Variants in RBMS3 observed in about 807,000 individuals in gnomAD.
RBMS3 encodes the protein RNA-binding motif, single-stranded-interacting protein 3.
In RBMS3, 27 loss-of-function variants were observed where a neutral mutation model predicts 66.8. That is an observed-to-expected ratio of 0.40 (90% confidence interval 0.30 to 0.56). The LOEUF (loss-of-function observed/expected upper bound fraction) is 0.56, where lower values mean the gene tolerates loss of function less well. Among genes scored for constraint, RBMS3 ranks in the 20% least tolerant of loss-of-function variants. The pLI, the probability that RBMS3 is intolerant of heterozygous loss-of-function variation, is 0.40. For missense variants in RBMS3, 513 were observed against 549.5 expected, an observed-to-expected ratio of 0.93 and a Z score of 0.66; for synonymous variants, 188 against 183.0, an observed-to-expected ratio of 1.03 and a Z score of -0.22.
At chr3:29,348,078 A>G (rs145145209) in intron 1 of RBMS3, among the ~76,000 whole-genome samples, 45 of 150,774 alleles carry the variant, frequency 3.0e-4, no homozygotes, top group African/African-American at 1.1e-3. Context: ...TCTTGTTTCA[A>G]GTCTCTTCAC....
At chr3:29,688,413 A>G (rs1005429781) in intron 4 of RBMS3, among the ~76,000 whole-genome samples, 2 of 152,022 alleles carry the variant, frequency 1.3e-5, no homozygotes, top group African/African-American at 4.8e-5. Context: ...ACAAACTATA[A>G]TCCTTCTAAA....
At chr3:29,510,239 G>A (rs2044344652) in intron 3 of RBMS3, among the ~76,000 whole-genome samples, 1 of 152,054 alleles carries the variant, frequency 6.6e-6, no homozygotes, top group African/African-American at 2.4e-5. Context: ...TGATATCATA[G>A]ATCAACCCAT....
intron 10 of RBMS3, among the ~76,000 whole-genome samples, chr3:29,907,264 T>C (rs2149623574): frequency 6.6e-6 from 1 of 152,256 alleles, no homozygotes; most frequent in East Asian, 1.9e-4. Context: ...CTCATTGTTT[T>C]CAATCGAATA....
intron 1 of RBMS3, among the ~76,000 whole-genome samples, chr3:29,284,112 A>G (rs1005710843): frequency 6.6e-6 from 1 of 152,116 alleles, no homozygotes; most frequent in Non-Finnish European, 1.5e-5. Flanking sequence ...CATGCTGCTT[A>G]TATTTATTTG....
chr3:29,798,929 G>GTTTTTTTTTTTTTTTTTTT (rs368923260), intron 6 of RBMS3, among the ~76,000 whole-genome samples: 4 of 127,662 alleles, frequency 3.1e-5, no homozygotes, highest in African/African-American at 1.2e-4. Context: ...GTACCCTCTG[G>GTTTTTTTTTTTTTTTTTTT]TTTTTTTTTT....
intron 3 of RBMS3, among the ~76,000 whole-genome samples, chr3:29,579,462 A>T (rs894990923): frequency 8.5e-5 from 13 of 152,106 alleles, no homozygotes; most frequent in African/African-American, 3.1e-4. Flanking sequence ...AGCAAGGGGG[A>T]GGGAAGAATG....
At chr3:29,584,180 A>C (rs1264999497) in intron 3 of RBMS3, among the ~76,000 whole-genome samples, 1 of 152,134 alleles carries the variant, frequency 6.6e-6, no homozygotes, top group African/African-American at 2.4e-5. Context: ...CTTCTTGCTC[A>C]AACTCTCAGT....
chr3:29,628,365 G>A (rs751003868), intron 4 of RBMS3, among the ~76,000 whole-genome samples: 3 of 152,156 alleles, frequency 2.0e-5, no homozygotes, highest in Non-Finnish European at 4.4e-5. Context: ...AACTGGCTGT[G>A]TCAGTGATTC....
At chr3:29,962,454 GGT>G (rs1696534685) in intron 12 of RBMS3, among the ~76,000 whole-genome samples, 1 of 151,650 alleles carries the variant, frequency 6.6e-6, no homozygotes. Flanking sequence ...ACGGCACTGA[GGT>G]GGGGTGTATG....
At chr3:29,381,925 A>C (rs143003417) in intron 1 of RBMS3, among the ~76,000 whole-genome samples, 154 of 152,264 alleles carry the variant, frequency 1.0e-3, no homozygotes, top group Middle Eastern at 3.4e-3. Context: ...AACAGCTTCT[A>C]TCTTTCTTTC....
At chr3:29,654,947 A>G (rs2050275224) in intron 4 of RBMS3, among the ~76,000 whole-genome samples, 1 of 151,990 alleles carries the variant, frequency 6.6e-6, no homozygotes, top group African/African-American at 2.4e-5. Flanking sequence ...AGAAAACGTG[A>G]CCTGATAGAG....
intron 3 of RBMS3, among the ~76,000 whole-genome samples, chr3:29,557,117 G>A (rs2046393745): frequency 6.6e-6 from 1 of 152,158 alleles, no homozygotes. Flanking sequence ...ATTTGTTCCA[G>A]GGTATGCTTA....
At chr3:29,959,254 T>G (rs1696247635) in intron 12 of RBMS3, among the ~76,000 whole-genome samples, 1 of 152,174 alleles carries the variant, frequency 6.6e-6, no homozygotes, top group African/African-American at 2.4e-5. Context: ...TAATAGATAC[T>G]CAATCTTTCC....
intron 6 of RBMS3, among the ~76,000 whole-genome samples, chr3:29,771,020 A>G (rs955015230): frequency 7.9e-5 from 12 of 152,004 alleles, no homozygotes; most frequent in African/African-American, 2.7e-4. Flanking sequence ...TCTAATTTTT[A>G]GAATGATCTA....
At chr3:29,348,608 T>G (rs1157550678) in intron 1 of RBMS3, among the ~76,000 whole-genome samples, 4 of 151,878 alleles carry the variant, frequency 2.6e-5, no homozygotes, top group Non-Finnish European at 4.4e-5. Context: ...ACACTCTTTA[T>G]GTTTAAAAAT....
chr3:29,355,199 C>T (rs1265963643), intron 1 of RBMS3, among the ~76,000 whole-genome samples: 1 of 152,022 alleles, frequency 6.6e-6, no homozygotes, highest in Non-Finnish European at 1.5e-5. Context: ...GTCTTTCTAT[C>T]TTGTGTCATC....
intron 4 of RBMS3, among the ~76,000 whole-genome samples, chr3:29,691,947 C>CTCTCTCTCTCTTTTTTTTTTTTTTT (rs1218393454): frequency 1.7e-3 from 93 of 53,416 alleles, no homozygotes; most frequent in Non-Finnish European, 2.6e-3. Flanking sequence ...CTCTCTCTCT[C>CTCTCTCTCTCTTTTTTTTTTTTTTT]TATTTTTTTT....
In RBMS3 at chr3:29,518,905, G is replaced by A. The variant is rs983608268; in HGVS notation, c.307+30406G>A. On this transcript the variant is annotated intron_variant, in intron 3 of 14. Coordinates refer to ENST00000383767, the MANE Select transcript of RBMS3 (RefSeq NM_001003793.3). ...ACTTCTGTGAGCAAAGCTGTTGGGG[G>A]CCTGGAGTGAGAAGAGAAATGGGAA... Among the ~76,000 whole-genome samples the A allele has an allele frequency of 2.0e-5, 3 of 152,326 alleles. No homozygotes were observed. The Middle Eastern group carries it at 0.01, about 518-fold the overall frequency.
At chr3:29,390,126 G>C (rs1396824875) in intron 1 of RBMS3, among the ~76,000 whole-genome samples, 1 of 152,130 alleles carries the variant, frequency 6.6e-6, no homozygotes, top group Non-Finnish European at 1.5e-5. Flanking sequence ...ATTTTTGTTT[G>C]CATGGCTGTT....
Sources: allele counts gnomAD v4.1 joint callset (sites outside exome capture counted in the v4.1 genomes callset), GRCh38; gene constraint gnomAD v4.1.1; transcripts MANE v1.5; gene names NCBI Gene and HGNC (gene_info 2026-07-23, HGNC 2026-07-21).